Variants in PCDHGA6 observed in about 807,000 individuals in gnomAD.
PCDHGA6 encodes the protein protocadherin gamma-A6.
PCDHGA6 carries 41 observed loss-of-function variants against 60.6 expected under a neutral mutation model. The ratio of observed to expected loss-of-function variants is 0.68; its 90% CI spans 0.53 to 0.88. The LOEUF (loss-of-function observed/expected upper bound fraction) is 0.88. Among genes scored for constraint, PCDHGA6 ranks in the 40% least tolerant of loss-of-function variants. The probability of loss-of-function intolerance (pLI) is 0.00; values close to 1 mark genes in which losing one functional copy is unlikely to be tolerated. For synonymous variants in PCDHGA6, 594 were observed against 524.4 expected (o/e 1.13, Z -1.81); for missense variants, 1,312 against 1,203.0 (o/e 1.09, Z -1.34).
intron 1 of PCDHGA6, among the ~76,000 whole-genome samples, chr5:141,406,024 G>A (rs2094747494): frequency 6.6e-6 from 1 of 151,462 alleles, no homozygotes; most frequent in Admixed American, 6.6e-5. Flanking sequence ...TTTTTGGGTA[G>A]GGTTGCTTCA....
At chr5:141,496,021 G>T (rs1011612662) in intron 2 of PCDHGA6, among the ~76,000 whole-genome samples, 2 of 151,336 alleles carry the variant, frequency 1.3e-5, no homozygotes, top group African/African-American at 4.9e-5. Flanking sequence ...TTTTCTCTGA[G>T]CCTCTGTCTC....
rs149553852 is a variant in PCDHGA6 at position 141,415,009 on chromosome 5, C to T, written c.2424+38502C>T. On this transcript the variant is annotated intron_variant, in intron 1 of 3. Coordinates refer to ENST00000517434, the MANE Select transcript of PCDHGA6 (RefSeq NM_018919.3). ...CCAGAACGCCTGGCTGTCCTACCGT[C>T]TGCTCAAGGCCAGCGAGCCGGGACT... 1.9e-3 allele frequency: 3,040 copies of T among 1,613,658 alleles called. 49 individuals are homozygous for T. In the African/African-American group the frequency reaches 0.033, roughly 18 times the overall value.
chr5:141,481,733 C>A (rs2099543522), intron 1 of PCDHGA6, among the ~76,000 whole-genome samples: 1 of 152,078 alleles, frequency 6.6e-6, no homozygotes, highest in Admixed American at 6.6e-5. Context: ...GCGGGCGGAT[C>A]ACGAGGTCAG....
Position 141,489,351 on chromosome 5 carries a change from G to A in PCDHGA6, c.2425-5456G>A, listed in dbSNP as rs2099685862. ...GGCAGCTTCGTTACTCAGTGGTGGAGGAGTCTGAGCCGGGGACGCTGGTGG... is the reference window on the plus strand; with the variant it reads ...GGCAGCTTCGTTACTCAGTGGTGGAAGAGTCTGAGCCGGGGACGCTGGTGG... On this transcript the variant is annotated intron_variant, in intron 1 of 3. Transcript: ENST00000517434. This position sits in a 1 kb window ranked among gnomAD's most constrained non-coding sequence, Gnocchi z 4.5. The A allele has an allele frequency of 6.2e-7, 1 of 1,612,202 alleles. No individual in the cohort carries two copies. The highest frequency in any genetic ancestry group is 1.3e-5 in the African/African-American group (1 of 75,006).
chr5:141,399,561 GT>G, intron 1 of PCDHGA6: 1 of 1,614,042 alleles, frequency 6.2e-7, no homozygotes, highest in Non-Finnish European at 8.5e-7. Context: ...TGGACTTGGG[GT>G]TGAACGGCCA....
chr5:141,432,117 C>T lies in PCDHGA6; in HGVS notation c.2424+55610C>T, dbSNP rs761106133. The T allele has an allele frequency of 3.9e-5, 63 of 1,614,062 alleles. No individual in the cohort carries two copies. Among genetic ancestry groups the T allele is most frequent in the Non-Finnish European group, 4.2e-5 (50 of 1,180,048 alleles). On this transcript the variant is annotated intron_variant, in intron 1 of 3. Transcript: ENST00000517434. The surrounding 1 kb of genome is among the most constrained non-coding windows in gnomAD (Gnocchi z 6.0). ...ACCAACGACAACCCGCCGGTCTTCC[C>T]TCAGGCCTCCTATTCCGCTTATATC...
chr5:141,455,905 T>TTATG (rs2098836561), intron 1 of PCDHGA6, among the ~76,000 whole-genome samples: 1 of 148,340 alleles, frequency 6.7e-6, no homozygotes, highest in Admixed American at 6.7e-5. Flanking sequence ...ATTTATTTAT[T>TTATG]TATTTATTTT....
Position 141,491,712 on chromosome 5 carries a change from G to C in PCDHGA6, c.2425-3095G>C. 3.1e-6 allele frequency: 5 copies of C among 1,609,408 alleles called. No individual in the cohort carries two copies. Among genetic ancestry groups the C allele is most frequent in the Middle Eastern group, 1.7e-4 (1 of 6,024 alleles). ...GGGAGCGGAGCCAGGTGAGGGGCTCGGCGCCGCCCCGGGCGACCCCTGGGG... is the reference window on the plus strand; with the variant it reads ...GGGAGCGGAGCCAGGTGAGGGGCTCCGCGCCGCCCCGGGCGACCCCTGGGG... On this transcript the variant is annotated intron_variant, in intron 1 of 3. Transcript: ENST00000517434. The surrounding 1 kb of genome is among the most constrained non-coding windows in gnomAD (Gnocchi z 6.9).
chr5:141,383,316 T>C (rs1779018146), intron 1 of PCDHGA6: 3 of 1,613,880 alleles, frequency 1.9e-6, no homozygotes, highest in Non-Finnish European at 1.7e-6. Context: ...AAGAAATAAA[T>C]GTAAAAATAA....
In PCDHGA6 at chr5:141,476,476, C is replaced by T; in HGVS notation, c.2425-18331C>T. 6.2e-7 allele frequency: 1 copy of T among 1,613,986 alleles called. No homozygotes were observed. The highest frequency in any genetic ancestry group is 8.5e-7 in the Non-Finnish European group (1 of 1,179,992). On this transcript the variant is annotated intron_variant, in intron 1 of 3. Transcript: ENST00000517434. The surrounding 1 kb of genome is among the most constrained non-coding windows in gnomAD (Gnocchi z 7.6). Reference sequence around the variant, plus strand: ...TGGAGAACCCGCTGGAGCTGTTCAGCGTGGAAGTGGTGATCCAGGACATCA... The same window carrying T: ...TGGAGAACCCGCTGGAGCTGTTCAGTGTGGAAGTGGTGATCCAGGACATCA...
chr5:141,384,366 T>C (rs573164893), intron 1 of PCDHGA6: 2 of 1,613,896 alleles, frequency 1.2e-6, no homozygotes, highest in Middle Eastern at 1.6e-4. Flanking sequence ...AGATCACTTA[T>C]TCCTTGGCCG....
Position 141,489,195 on chromosome 5 carries a change from A to G in PCDHGA6, c.2425-5612A>G, listed in dbSNP as rs200660227. ...ATTCCAAGCCCTGGGTCTACCTTGG[A>G]GACAGGACAGCACAGACTTACTCTC... is the stretch of plus-strand genomic sequence containing the variant. On this transcript the variant is annotated intron_variant, in intron 1 of 3. Transcript: ENST00000517434. This position sits in a 1 kb window ranked among gnomAD's most constrained non-coding sequence, Gnocchi z 4.5. 1.8e-5 allele frequency: 25 copies of G among 1,383,116 alleles called. No individual in the cohort carries two copies. The East Asian group carries it at 4.8e-4, about 27-fold the overall frequency. 85.7% of individuals were successfully genotyped at this position (1,383,116 alleles called of 1,614,324 possible). A position where few individuals can be genotyped will look rare whatever the true frequency, so the allele number is the denominator to read the frequency against.
intron 1 of PCDHGA6, among the ~76,000 whole-genome samples, chr5:141,401,212 G>A (rs2094128608): frequency 6.6e-6 from 1 of 151,930 alleles, no homozygotes; most frequent in Non-Finnish European, 1.5e-5. Context: ...TGTGGTGGCG[G>A]GCGCCTGTAA....
Position 141,431,423 on chromosome 5 carries a change from C to A in PCDHGA6, c.2424+54916C>A, listed in dbSNP as rs868299769. 20 of 1,613,552 alleles carry A rather than the reference C, an allele frequency of 1.2e-5. No individual in the cohort carries two copies. In the Admixed American group the frequency reaches 2.2e-4, roughly 17 times the overall value. ...GGCCTCCGACGGGGGCGACCCGGTG[C>A]GCACAGGCACCGCGCGCATCCGCGT... On this transcript the variant is annotated intron_variant, in intron 1 of 3. Coordinates refer to ENST00000517434, the MANE Select transcript of PCDHGA6 (RefSeq NM_018919.3). The surrounding 1 kb of genome is among the most constrained non-coding windows in gnomAD (Gnocchi z 4.8).
chr5:141,415,654 A>ATTGGT, intron 1 of PCDHGA6: 1 of 1,573,242 alleles, frequency 6.4e-7, no homozygotes, highest in Non-Finnish European at 8.6e-7. Flanking sequence ...AAAAAAAAAG[A>ATTGGT]TTGGTTTTTA....
chr5:141,431,265 G>A lies in PCDHGA6; in HGVS notation c.2424+54758G>A. 2 of 1,614,168 alleles carry A rather than the reference G, an allele frequency of 1.2e-6. No homozygotes were observed. On this transcript the variant is annotated intron_variant, in intron 1 of 3. Transcript: ENST00000517434. This position sits in a 1 kb window ranked among gnomAD's most constrained non-coding sequence, Gnocchi z 4.8. ...GATATCGGGAAGAACTCTCTGCAGA[G>A]CTACGAGCTCAGCCCGAACACTCAC...
In PCDHGA6 at chr5:141,512,394, C is replaced by A. The variant is rs750967336; in HGVS notation, c.*1221C>A. 1 of 152,706 alleles carries A rather than the reference C, an allele frequency of 6.5e-6. No homozygotes were observed. The highest frequency in any genetic ancestry group is 1.5e-5 in the Non-Finnish European group (1 of 68,084). The allele number at this position is 152,706 out of a possible 1,614,324, so 9.5% of individuals were successfully genotyped here. ...GACCAAATGAACAGAAAGTCTCAGC[C>A]CAGGATGGGGCTTCTTCAACAGGGC... is the stretch of plus-strand genomic sequence containing the variant. On this transcript the variant is annotated 3_prime_UTR_variant, in exon 4 of 4. Transcript: ENST00000517434.
intron 1 of PCDHGA6, among the ~76,000 whole-genome samples, chr5:141,456,483 CTTAATA>C (rs2098861684): frequency 1.3e-5 from 2 of 152,072 alleles, no homozygotes; most frequent in African/African-American, 4.8e-5. Context: ...CAAGAGAGTG[CTTAATA>C]AAGGGGTTAA....
Position 141,432,205 on chromosome 5 carries a change from A to G in PCDHGA6, c.2424+55698A>G, listed in dbSNP as rs764567227. 1 of 1,614,180 alleles carries G rather than the reference A, an allele frequency of 6.2e-7. No individual in the cohort carries two copies. Among genetic ancestry groups the G allele is most frequent in the South Asian group, 1.1e-5 (1 of 91,074 alleles). On this transcript the variant is annotated intron_variant, in intron 1 of 3. Transcript: ENST00000517434. This position sits in a 1 kb window ranked among gnomAD's most constrained non-coding sequence, Gnocchi z 6.0. The stretch of plus-strand genomic sequence containing the variant: ...TGACCGCCCACGACCCCGACTGTGA[A>G]GAGAACGCCCAGATCACTTATTCCC...
Sources: gnomAD v4.1 joint callset for allele counts (sites outside exome capture counted in the v4.1 genomes callset) on GRCh38, gnomAD v4.1.1 for gene constraint, Gnocchi (gnomAD v3.1) non-coding constraint, MANE v1.5 for transcripts, NCBI Gene and HGNC (gene_info 2026-07-23, HGNC 2026-07-21) for gene names.